Variants in GGA3 observed in about 807,000 individuals in gnomAD.
The protein encoded by GGA3 is golgi associated, gamma adaptin ear containing, ARF binding protein 3, also known as ADP-ribosylation factor-binding protein GGA3.
Under a neutral mutation model 77.5 loss-of-function variants are expected in GGA3, and 57 were observed. The observed-to-expected ratio is 0.74, with a 90% confidence interval of 0.59 to 0.92. The LOEUF is 0.92. Ranked by LOEUF, GGA3 falls within the 40% of genes least tolerant of loss-of-function variation. The probability of loss-of-function intolerance (pLI) is 0.00; values close to 1 mark genes in which losing one functional copy is unlikely to be tolerated. For synonymous variants in GGA3, 416 were observed against 383.7 expected (o/e 1.08, Z -0.98); for missense variants, 970 against 914.9 (o/e 1.06, Z -0.78).
chr17:75,247,919 A>G (rs1172148972), intron 1 of GGA3, among the ~76,000 whole-genome samples: 1 of 152,188 alleles, frequency 6.6e-6, no homozygotes, highest in Non-Finnish European at 1.5e-5. Context: ...GGGTGGTTAC[A>G]TGGGTTCCCA....
In GGA3 at chr17:75,237,092, C is replaced by G; in HGVS notation, c.*1187G>C. 1 of 232,840 alleles carries G rather than the reference C, an allele frequency of 4.3e-6. No homozygotes were observed. Among genetic ancestry groups the G allele is most frequent in the Non-Finnish European group, 8.4e-6 (1 of 118,522 alleles). 14.4% of individuals were successfully genotyped at this position (232,840 alleles called of 1,614,324 possible). On this transcript the variant is annotated 3_prime_UTR_variant, in exon 17 of 17. Coordinates refer to ENST00000537686, the MANE Select transcript of GGA3 (RefSeq NM_138619.4). ...GCAGCTGGTGATTTTTTTTTTGTGA[C>G]GGAGGCTTGGAGTACATGTCCCAGG...
chr17:75,255,198 T>C (rs896959245), intron 1 of GGA3, among the ~76,000 whole-genome samples: 2 of 152,142 alleles, frequency 1.3e-5, no homozygotes, highest in African/African-American at 2.4e-5. Flanking sequence ...CTGTTTCCCT[T>C]GCCTCCATAA....
In GGA3 at chr17:75,244,635, T is replaced by A. The variant is rs1220510383; in HGVS notation, c.284A>T (p.Lys95Ile). 2 of 1,611,528 alleles carry A rather than the reference T, an allele frequency of 1.2e-6. No individual in the cohort carries two copies. The highest frequency in any genetic ancestry group is 1.7e-6 in the Non-Finnish European group (2 of 1,177,612). Reference protein sequence around the residue: ...GKFRFLNELIKVVSPKYLGDR... With the variant: ...GKFRFLNELIIVVSPKYLGDR... ...CTGACTGACCTTTGGAGAGACGACTTTGATTAACTCATTCAAAAAGCGGAA... is the reference window on the plus strand; with the variant it reads ...CTGACTGACCTTTGGAGAGACGACTATGATTAACTCATTCAAAAAGCGGAA... Residue 95 changes from lysine (K) to isoleucine (I), a missense_variant, in exon 4 of 17, where the codon AAA becomes ATA. Lys to Ile is a moderately radical substitution (Grantham distance 102). Coordinates refer to ENST00000537686, the MANE Select transcript of GGA3 (RefSeq NM_138619.4).
intron 1 of GGA3, among the ~76,000 whole-genome samples, chr17:75,260,718 A>C (rs1380343179): frequency 6.6e-6 from 1 of 152,232 alleles, no homozygotes; most frequent in Non-Finnish European, 1.5e-5. Flanking sequence ...TCTAGCCTAC[A>C]GGAAAGTTCA....
intron 1 of GGA3, among the ~76,000 whole-genome samples, chr17:75,256,082 AAAC>A (rs1230433166): frequency 2.0e-5 from 3 of 152,016 alleles, no homozygotes; most frequent in East Asian, 3.8e-4. Context: ...ATCCCTTACA[AAAC>A]AACAACTCCT....
rs1018774996 is a variant in GGA3, at chr17:75,240,064, G to A, written c.1308C>T (p.Thr436=). 4.5e-6 allele frequency: 7 copies of A among 1,551,734 alleles called. No homozygotes were observed. Among genetic ancestry groups the A allele is most frequent in the African/African-American group, 4.1e-5 (3 of 73,186 alleles). Reference sequence around the variant, plus strand: ...GAGCATCGGAGGCGCCACAGGCAGCGGTCCCCGGCCTGGGGCTGAAGAAGT... The same window carrying A: ...GAGCATCGGAGGCGCCACAGGCAGCAGTCCCCGGCCTGGGGCTGAAGAAGT... The part of the protein sequence containing the change: ...DLDFFSPRPG[T]AACGASDAPL... The change falls in exon 13 of 17, where the codon ACC becomes ACT. Residue 436 remains threonine (T), a synonymous_variant. Transcript: ENST00000537686.
At chr17:75,250,118 G>A (rs969844169) in intron 1 of GGA3, among the ~76,000 whole-genome samples, 8 of 152,132 alleles carry the variant, frequency 5.3e-5, no homozygotes, top group Non-Finnish European at 2.9e-5. Context: ...GATAATTCTG[G>A]GTGACTTGAT....
At chr17:75,241,249 TC>T in intron 10 of GGA3, 150 bp downstream of exon 10, 1 of 780,348 alleles carries the variant, frequency 1.3e-6, no homozygotes, top group Non-Finnish European at 2.1e-6. Flanking sequence ...TCTCCAGGCC[TC>T]CGGGAAGCCG....
chr17:75,252,829 T>G (rs2077015567), intron 1 of GGA3, among the ~76,000 whole-genome samples: 1 of 152,128 alleles, frequency 6.6e-6, no homozygotes, highest in South Asian at 2.1e-4. Context: ...TCTTCGTAAT[T>G]CTCCCCACCC....
chr17:75,244,664 C>A lies in GGA3; in HGVS notation c.255G>T (p.Gly85=). The A allele has an allele frequency of 6.2e-7, 1 of 1,613,878 alleles. No homozygotes were observed. Among genetic ancestry groups the A allele is most frequent in the South Asian group, 1.1e-5 (1 of 91,082 alleles). The change falls in exon 4 of 17, where the codon GGG becomes GGT. Residue 85 remains glycine, a synonymous_variant. Coordinates refer to ENST00000537686, the MANE Select transcript of GGA3 (RefSeq NM_138619.4). ...TTAACTCATTCAAAAAGCGGAACTTCCCCACTTCGTTATGAAATCTCCTCC... is the reference window on the plus strand; with the variant it reads ...TTAACTCATTCAAAAAGCGGAACTTACCCACTTCGTTATGAAATCTCCTCC... ...NCGRRFHNEV[G]KFRFLNELIK...
chr17:75,249,842 C>T (rs1215035457), intron 1 of GGA3, among the ~76,000 whole-genome samples: 2 of 152,200 alleles, frequency 1.3e-5, no homozygotes, highest in Admixed American at 6.5e-5. Flanking sequence ...TATCTTCTTC[C>T]CAAGTCTATT....
In GGA3 at chr17:75,243,481, C is replaced by T. The variant is rs371748162; in HGVS notation, c.390G>A (p.Lys130=). 7 of 1,614,104 alleles carry T rather than the reference C, an allele frequency of 4.3e-6. No homozygotes were observed. The African/African-American group carries it at 8.0e-5, about 18-fold the overall frequency. Reference sequence around the variant, plus strand: ...TCAGCATGTGGTAGGCGTCTTTGATCTTTGCTTCTTCTGGCAGGGCCATGG... The same window carrying T: ...TCAGCATGTGGTAGGCGTCTTTGATTTTTGCTTCTTCTGGCAGGGCCATGG... ...SWTMALPEEA[K]IKDAYHMLKR... The change falls in exon 5 of 17, where the codon AAG becomes AAA. Residue 130 remains lysine, a synonymous_variant. Coordinates refer to ENST00000537686, the MANE Select transcript of GGA3 (RefSeq NM_138619.4).
At chr17:75,260,146 G>A (rs896873721) in intron 1 of GGA3, among the ~76,000 whole-genome samples, 2 of 152,178 alleles carry the variant, frequency 1.3e-5, no homozygotes, top group African/African-American at 4.8e-5. Flanking sequence ...GCGAGACTCT[G>A]TCTCAAAAAC....
upstream of GGA3, chr17:75,261,893 C>T (rs745826565): frequency 1.2e-6 from 2 of 1,607,728 alleles, no homozygotes; most frequent in African/African-American, 1.3e-5. Flanking sequence ...TCCTCGTGGC[C>T]AGCCAAGATG....
rs1208043798 is a variant in GGA3, at chr17:75,239,529, G to A, written c.1626C>T (p.Pro542=). Residue 542 remains proline, a synonymous_variant, in exon 14 of 17, where the codon CCC becomes CCT. Transcript: ENST00000537686. ...GGAGGGGCCTGGCTGGGGTGGTGGT[G>A]GGGATGAGAGGGGAGGTAGTGGGTT... ...LVKPTTSPLI[P]TTTPARPLLP... 4 of 1,560,814 alleles carry A rather than the reference G, an allele frequency of 2.6e-6. No individual in the cohort carries two copies. The highest frequency in any genetic ancestry group is 1.2e-5 in the South Asian group (1 of 85,602).
In GGA3 at chr17:75,237,502, A is replaced by G; in HGVS notation, c.*777T>C. On this transcript the variant is annotated 3_prime_UTR_variant, in exon 17 of 17. Transcript: ENST00000537686. ...ATGGCCTGTCCCCACGGCTGGAGGC[A>G]CGCTTTTCCCAGAAAGCTGAGTACC... is the stretch of plus-strand genomic sequence containing the variant. The G allele has an allele frequency of 1.3e-6, 2 of 1,535,952 alleles. No individual in the cohort carries two copies. Among genetic ancestry groups the G allele is most frequent in the Non-Finnish European group, 1.7e-6 (2 of 1,146,772 alleles).
intron 8 of GGA3, chr17:75,242,086 G>C: frequency 1.7e-6 from 1 of 582,070 alleles, no homozygotes; most frequent in Admixed American, 3.0e-5. Context: ...AGCACCGAGA[G>C]TGTGGTCTCT....
At position 75,241,600 on chromosome 17, in the gene GGA3, C is replaced by T. The variant is rs753901674; in HGVS notation, c.829+15G>A. ...AAATGCCTGGCTTATCCCTGACCGT[C>T]GCTCTTTCACTCACCCAAACTGTTA... On this transcript the variant is annotated intron_variant, in intron 9 of 16. Transcript: ENST00000537686. The T allele has an allele frequency of 3.1e-6, 5 of 1,612,542 alleles. No individual in the cohort carries two copies. The highest frequency in any genetic ancestry group is 4.5e-5 in the East Asian group (2 of 44,890).
chr17:75,259,807 A>G (rs981999947), intron 1 of GGA3, among the ~76,000 whole-genome samples: 6 of 152,128 alleles, frequency 3.9e-5, no homozygotes, highest in Non-Finnish European at 1.5e-5. Context: ...TTATGTCTCT[A>G]CAGATACCAT....
Sources: gnomAD v4.1 joint callset for allele counts (sites outside exome capture counted in the v4.1 genomes callset) on GRCh38, gnomAD v4.1.1 for gene constraint, MANE v1.5 for transcripts, NCBI Gene and HGNC (gene_info 2026-07-23, HGNC 2026-07-21) for gene names.